PDE5A: variants seen among roughly 807,000 people sequenced by gnomAD.
PDE5A encodes the protein phosphodiesterase 5A, also known as cGMP-specific 3',5'-cyclic phosphodiesterase.
A neutral mutation model predicts 110.2 loss-of-function variants in PDE5A; 67 were observed. That is an observed-to-expected ratio of 0.61 (90% CI 0.50 to 0.75). The LOEUF (loss-of-function observed/expected upper bound fraction) is 0.75. PDE5A is among the 30% of genes least tolerant of loss of function. PDE5A has a pLI of 0.00. For synonymous variants in PDE5A, 328 were observed against 351.2 expected (o/e 0.93, Z 0.74); for missense variants, 862 against 1,045.1 (o/e 0.82, Z 2.42).
intron 11 of PDE5A, among the ~76,000 whole-genome samples, chr4:119,532,913 T>C (rs561636586): frequency 2.0e-5 from 3 of 152,204 alleles, no homozygotes; most frequent in African/African-American, 7.2e-5. Context: ...AAGCGTGAAA[T>C]CTTAAGAGCC....
intron 3 of PDE5A, among the ~76,000 whole-genome samples, chr4:119,583,339 C>G (rs978576736): frequency 7.2e-5 from 11 of 152,190 alleles, no homozygotes; most frequent in African/African-American, 2.7e-4. Flanking sequence ...TCAGCCTTCA[C>G]AGTATTAAAG....
chr4:119,504,481 G>T, intron 18 of PDE5A, 55 bp downstream of exon 18: 1 of 1,373,324 alleles, frequency 7.3e-7, no homozygotes, highest in Non-Finnish European at 1.0e-6. Flanking sequence ...TGGGATTGCT[G>T]GGTAGAATGT....
At chr4:119,504,746 A>G (rs771111876) in intron 17 of PDE5A, 147 bp from the exon 18 acceptor site, 6 of 533,074 alleles carry the variant, frequency 1.1e-5, no homozygotes, top group Non-Finnish European at 1.6e-5. Flanking sequence ...GAAACAATTT[A>G]TATGAAAGTC....
intron 1 of PDE5A, among the ~76,000 whole-genome samples, chr4:119,608,057 T>C (rs947973145): frequency 1.3e-5 from 2 of 152,226 alleles, no homozygotes; most frequent in Admixed American, 6.5e-5. Context: ...TTTTAGATAG[T>C]TATATCTATA....
At chr4:119,551,997 A>C (rs116150411) in intron 9 of PDE5A, 1 of 152,178 alleles carries the variant, frequency 6.6e-6, no homozygotes, top group East Asian at 1.9e-4. Context: ...CAGGAAACAA[A>C]TATGTCAATA....
intron 1 of PDE5A, among the ~76,000 whole-genome samples, chr4:119,608,967 C>T (rs1450634757): frequency 1.3e-5 from 2 of 151,978 alleles, no homozygotes; most frequent in Non-Finnish European, 2.9e-5. Flanking sequence ...CGAGACCATC[C>T]TGGCTACATG....
Position 119,578,176 on chromosome 4 carries a change from T to G in PDE5A, c.832-11032A>C, listed in dbSNP as rs997220686. The stretch of plus-strand genomic sequence containing the variant: ...AGGAGAACTACAAACCACTGCTCAA[T>G]GAAATAAAAGAGGACACAAACAAAT... On this transcript the variant is annotated intron_variant, in intron 3 of 20. Coordinates refer to ENST00000354960, the MANE Select transcript of PDE5A (RefSeq NM_001083.4). 8.4e-3 allele frequency among the ~76,000 whole-genome samples: 1,271 copies of G among 151,936 alleles called. 11 individuals are homozygous for G. The highest frequency in any genetic ancestry group is 0.028 in the African/African-American group (1,179 of 41,410).
chr4:119,519,042 T>TA lies in PDE5A; in HGVS notation c.2000+2dup. ...TTTTCTTGCTTTACTGGGAAAGTCT[T>TA]ACCGCTGTATGTAAGAGTTATTCAC... is the stretch of plus-strand genomic sequence containing the variant. On this transcript the variant is annotated splice_region_variant and intron_variant, in intron 14 of 20. Transcript: ENST00000354960. 1 of 1,603,908 alleles carries TA rather than the reference T, an allele frequency of 6.2e-7. No homozygotes were observed. The highest frequency in any genetic ancestry group is 1.3e-5 in the African/African-American group (1 of 74,832).
At chr4:119,567,717 G>C (rs1727992476) in intron 3 of PDE5A, among the ~76,000 whole-genome samples, 1 of 152,088 alleles carries the variant, frequency 6.6e-6, no homozygotes, top group South Asian at 2.1e-4. Flanking sequence ...TTATTTTTGG[G>C]AAAGAGGGTA....
intron 15 of PDE5A, among the ~76,000 whole-genome samples, chr4:119,510,359 T>A (rs187492215): frequency 6.6e-6 from 1 of 152,110 alleles, no homozygotes; most frequent in Non-Finnish European, 1.5e-5. Flanking sequence ...TAAGATTATA[T>A]GTCATGCATT....
At chr4:119,530,868 C>T (rs996920350) in intron 11 of PDE5A, among the ~76,000 whole-genome samples, 1 of 151,956 alleles carries the variant, frequency 6.6e-6, no homozygotes, top group South Asian at 2.1e-4. Context: ...GTGGTACATG[C>T]CTTTTTCTCT....
intron 3 of PDE5A, among the ~76,000 whole-genome samples, chr4:119,595,899 AAT>A (rs1729136032): frequency 6.6e-6 from 1 of 152,206 alleles, no homozygotes; most frequent in South Asian, 2.1e-4. Context: ...AGTTGGTTGT[AAT>A]ACACAGTCAG....
In PDE5A at chr4:119,621,766, A is replaced by G. The variant is rs532755183; in HGVS notation, c.152+6754T>C. ...CAAGCAATTAAAATTATGTGCATCA[A>G]TTCTCTATGGGTTCAAGTTGAGTTT... On this transcript the variant is annotated intron_variant, in intron 1 of 20. Transcript: ENST00000354960. Among the ~76,000 whole-genome samples the G allele has an allele frequency of 5.9e-5, 9 of 152,346 alleles. No individual in the cohort carries two copies. In the South Asian group the frequency reaches 8.3e-4, roughly 14 times the overall value.
chr4:119,622,612 G>T (rs1352093755), intron 1 of PDE5A, among the ~76,000 whole-genome samples: 1 of 151,896 alleles, frequency 6.6e-6, no homozygotes, highest in Non-Finnish European at 1.5e-5. Context: ...GGTGGCTCAC[G>T]CCTGTAATCC....
chr4:119,564,332 C>T (rs1727849476), intron 5 of PDE5A, among the ~76,000 whole-genome samples: 1 of 152,040 alleles, frequency 6.6e-6, no homozygotes, highest in South Asian at 2.1e-4. Flanking sequence ...TATTTTCATA[C>T]ATGCAAGGAC....
At chr4:119,543,958 A>T (rs1727041959) in intron 9 of PDE5A, 1 of 151,900 alleles carries the variant, frequency 6.6e-6, no homozygotes, top group South Asian at 2.1e-4. Flanking sequence ...AGTTTTATTT[A>T]TTTTTTTCAG....
At chr4:119,532,318 A>G (rs946832620) in intron 11 of PDE5A, among the ~76,000 whole-genome samples, 2 of 152,144 alleles carry the variant, frequency 1.3e-5, no homozygotes, top group Non-Finnish European at 2.9e-5. Context: ...AATGAAATAC[A>G]TATTTTTTAA....
intron 1 of PDE5A, among the ~76,000 whole-genome samples, chr4:119,616,010 T>C (rs1385916375): frequency 6.6e-6 from 1 of 152,196 alleles, no homozygotes; most frequent in Non-Finnish European, 1.5e-5. Flanking sequence ...CAAAATCTTT[T>C]ATTATCCTCC....
intron 3 of PDE5A, among the ~76,000 whole-genome samples, chr4:119,576,545 G>A (rs1257543392): frequency 9.2e-5 from 14 of 152,186 alleles, no homozygotes; most frequent in East Asian, 1.9e-4. Flanking sequence ...ACTCAAAACC[G>A]CTCAACTACA....
Sources: gnomAD v4.1 joint callset for allele counts (sites outside exome capture counted in the v4.1 genomes callset) on GRCh38, gnomAD v4.1.1 for gene constraint, MANE v1.5 for transcripts, NCBI Gene and HGNC (gene_info 2026-07-23, HGNC 2026-07-21) for gene names.